KIRREL1: variants seen among roughly 807,000 people sequenced by gnomAD.
The protein encoded by KIRREL1 is kin of IRRE-like protein 1.
Under a neutral mutation model 83.3 loss-of-function variants are expected in KIRREL1, and 25 were observed. The observed-to-expected ratio is 0.30, with a 90% confidence interval of 0.22 to 0.42. KIRREL1 has a LOEUF of 0.42. Among genes scored for constraint, KIRREL1 ranks in the 10% least tolerant of loss-of-function variants. The pLI is 1.00. For synonymous variants in KIRREL1, 388 were observed against 410.4 expected, an observed-to-expected ratio of 0.95 and a Z score of 0.66; for missense variants, 812 against 1,032.3, an observed-to-expected ratio of 0.79 and a Z score of 2.92.
intron 1 of KIRREL1, among the ~76,000 whole-genome samples, chr1:158,055,068 C>A (rs183425325): frequency 6.6e-4 from 101 of 152,234 alleles, no homozygotes; most frequent in Middle Eastern, 3.4e-3. Flanking sequence ...GAAACTGGGA[C>A]TTAGTGAGGC....
chr1:158,035,809 T>C (rs901712755), intron 1 of KIRREL1, among the ~76,000 whole-genome samples: 1 of 152,148 alleles, frequency 6.6e-6, no homozygotes, highest in Non-Finnish European at 1.5e-5. Context: ...GATGTTTGGG[T>C]GATTTTAGCC....
chr1:158,099,657 T>C lies in KIRREL1; in HGVS notation c.*4537T>C, dbSNP rs1004499283. ...TTATTAATAATAACAATAATAATAATAACTCCATTTGCATAGAACTGTCAC... is the reference window on the plus strand; with the variant it reads ...TTATTAATAATAACAATAATAATAACAACTCCATTTGCATAGAACTGTCAC... On this transcript the variant is annotated 3_prime_UTR_variant, in exon 15 of 15. Coordinates refer to ENST00000359209, the MANE Select transcript of KIRREL1 (RefSeq NM_018240.7). 1 of 152,172 alleles carries C rather than the reference T, an allele frequency of 6.6e-6. No individual in the cohort carries two copies. Among genetic ancestry groups the C allele is most frequent in the African/African-American group, 2.4e-5 (1 of 41,430 alleles). The allele number at this position is 152,172 out of a possible 1,614,324, so 9.4% of individuals were successfully genotyped here. A position where few individuals can be genotyped will look rare whatever the true frequency, so the allele number is the denominator to read the frequency against.
chr1:158,043,368 C>T (rs1408706289), intron 1 of KIRREL1, among the ~76,000 whole-genome samples: 1 of 152,174 alleles, frequency 6.6e-6, no homozygotes, highest in Non-Finnish European at 1.5e-5. Flanking sequence ...ACCCCTCCTC[C>T]ATTCCTGCTC....
At chr1:158,064,971 A>C (rs1039421120) in intron 1 of KIRREL1, among the ~76,000 whole-genome samples, 1 of 127,958 alleles carries the variant, frequency 7.8e-6, no homozygotes, top group Non-Finnish European at 1.6e-5. Context: ...AGTGGGAAAG[A>C]GGGGCAAGAG....
At chr1:158,020,384 AAAGAATGAACTATTATTTTTGGGGG>A (rs1302697474) in intron 1 of KIRREL1, among the ~76,000 whole-genome samples, 1 of 151,984 alleles carries the variant, frequency 6.6e-6, no homozygotes, top group Admixed American at 6.6e-5. Context: ...AACTCCCCCC[AAAGAATGAACTATTATTTTTGGGGG>A]GCTTCCAAAG....
At chr1:158,013,924 T>C (rs1176605301) in intron 1 of KIRREL1, among the ~76,000 whole-genome samples, 1 of 152,150 alleles carries the variant, frequency 6.6e-6, no homozygotes, top group Non-Finnish European at 1.5e-5. Context: ...GTGACACTGC[T>C]CCTGGGACTG....
chr1:158,093,900 C>T (rs1662278921), intron 13 of KIRREL1, 138 bp downstream of exon 13: 1 of 879,386 alleles, frequency 1.1e-6, no homozygotes, highest in Admixed American at 2.3e-5. Flanking sequence ...CACTCTCCCA[C>T]ACTCACACAC....
intron 1 of KIRREL1, among the ~76,000 whole-genome samples, chr1:158,020,299 C>A (rs540360963): frequency 1.3e-5 from 2 of 152,132 alleles, no homozygotes; most frequent in Non-Finnish European, 2.9e-5. Flanking sequence ...CCCCACTTCC[C>A]ATCCTTTACT....
chr1:158,071,314 G>A (rs149138299), intron 1 of KIRREL1, among the ~76,000 whole-genome samples: 9 of 152,242 alleles, frequency 5.9e-5, no homozygotes, highest in Middle Eastern at 3.4e-3. Flanking sequence ...GTTTCTCAGC[G>A]TTGTCTACGC....
chr1:158,084,292 G>T lies in KIRREL1; in HGVS notation c.353-130G>T, dbSNP rs552910723. On this transcript the variant is annotated intron_variant, in intron 3 of 14. Coordinates refer to ENST00000359209, the MANE Select transcript of KIRREL1 (RefSeq NM_018240.7). ...AATGAAGACAGTGGTTGTAGATTAG[G>T]GGGTAGGGTGGTACCGCCTACCTAG... is the stretch of plus-strand genomic sequence containing the variant. 1.5e-5 allele frequency: 12 copies of T among 775,274 alleles called. No individual in the cohort carries two copies. In the African/African-American group the frequency reaches 2.0e-4, roughly 13 times the overall value. The allele number at this position is 775,274 out of a possible 1,614,324, so 48.0% of individuals were successfully genotyped here.
At chr1:158,073,932 G>C (rs986528695) in intron 1 of KIRREL1, among the ~76,000 whole-genome samples, 1 of 152,190 alleles carries the variant, frequency 6.6e-6, no homozygotes, top group African/African-American at 2.4e-5. Flanking sequence ...TTCCACCTCT[G>C]AGCCAGGGCT....
intron 1 of KIRREL1, among the ~76,000 whole-genome samples, chr1:158,047,945 C>A (rs2101587978): frequency 6.6e-6 from 1 of 152,316 alleles, no homozygotes; most frequent in African/African-American, 2.4e-5. Context: ...GCAAAAGAAT[C>A]TGCTCTGATG....
At chr1:158,089,357 A>T in intron 8 of KIRREL1, 145 bp from the exon 9 acceptor site, 1 of 1,325,226 alleles carries the variant, frequency 7.5e-7, no homozygotes, top group Non-Finnish European at 1.0e-6. Flanking sequence ...CATGGACCAA[A>T]ATGGACTCGG....
At chr1:157,996,950 GTGGT>G (rs1184777550) in intron 1 of KIRREL1, among the ~76,000 whole-genome samples, 2 of 152,244 alleles carry the variant, frequency 1.3e-5, no homozygotes, top group African/African-American at 4.8e-5. Context: ...CCACAGCTGA[GTGGT>G]TGGTTGTTCT....
At chr1:158,034,358 TC>T in intron 1 of KIRREL1, among the ~76,000 whole-genome samples, 1 of 152,272 alleles carries the variant, frequency 6.6e-6, no homozygotes, top group South Asian at 2.1e-4. Context: ...TCCCATAGAT[TC>T]CCCTTTCCCA....
chr1:158,051,772 G>A (rs987404338), intron 1 of KIRREL1, among the ~76,000 whole-genome samples: 3 of 152,160 alleles, frequency 2.0e-5, no homozygotes, highest in African/African-American at 4.8e-5. Context: ...TGGCCACCAG[G>A]CCACTTGCCA....
At chr1:158,081,465 G>A (rs535977223) in intron 3 of KIRREL1, among the ~76,000 whole-genome samples, 41 of 152,266 alleles carry the variant, frequency 2.7e-4, no homozygotes, top group Non-Finnish European at 1.3e-4. Context: ...TCTTGATTTT[G>A]TTTTGCAAAA....
chr1:158,035,680 C>A (rs1660456335), intron 1 of KIRREL1, among the ~76,000 whole-genome samples: 1 of 152,054 alleles, frequency 6.6e-6, no homozygotes, highest in Non-Finnish European at 1.5e-5. Context: ...CCTGTCTGAC[C>A]CCAAATCCTA....
chr1:158,033,975 C>A (rs939763399), intron 1 of KIRREL1, among the ~76,000 whole-genome samples: 2 of 145,436 alleles, frequency 1.4e-5, no homozygotes, highest in Non-Finnish European at 3.0e-5. Flanking sequence ...TGAACTCCAT[C>A]GGAAAAAAAA....
Sources: allele counts gnomAD v4.1 joint callset (sites outside exome capture counted in the v4.1 genomes callset), GRCh38; gene constraint gnomAD v4.1.1; transcripts MANE v1.5; gene names NCBI Gene and HGNC (gene_info 2026-07-23, HGNC 2026-07-21).